CCNH: variants seen among roughly 807,000 people sequenced by gnomAD.
CCNH encodes the protein cyclin-H.
Under a neutral mutation model 41.9 loss-of-function variants are expected in CCNH, and 31 were observed. The ratio of observed to expected loss-of-function variants is 0.74; its 90% CI spans 0.56 to 1.00. The LOEUF (loss-of-function observed/expected upper bound fraction) is 1.00. Ranked by LOEUF, CCNH falls within the 50% of genes least tolerant of loss-of-function variation. CCNH has a pLI of 0.00. For missense variants in CCNH, 362 were observed against 388.4 expected, an observed-to-expected ratio of 0.93 and a Z score of 0.57; for synonymous variants, 138 against 136.1, an observed-to-expected ratio of 1.01 and a Z score of -0.10.
At chr5:87,392,380 C>G, downstream of CCNH, 1 of 455,326 alleles carries the variant, frequency 2.2e-6, no homozygotes, top group Non-Finnish European at 4.4e-6. Flanking sequence ...CCGTTTAACA[C>G]TGATACCAAA....
At chr5:87,331,411 T>C (rs1757590742) in intron 9 of CCNH, 1 of 1,613,696 alleles carries the variant, frequency 6.2e-7, no homozygotes, top group South Asian at 1.1e-5. Flanking sequence ...CAGGGAAGTC[T>C]GGCAGTTATC....
intron 9 of CCNH, among the ~76,000 whole-genome samples, chr5:87,355,727 C>T (rs1238695508): frequency 6.6e-6 from 1 of 152,154 alleles, no homozygotes; most frequent in Non-Finnish European, 1.5e-5. Context: ...ACATTGAAAA[C>T]CCTTTGGAAA....
At chr5:87,373,002 C>T (rs548796129), downstream of CCNH, among the ~76,000 whole-genome samples, 1 of 152,208 alleles carries the variant, frequency 6.6e-6, no homozygotes, top group Non-Finnish European at 1.5e-5. Context: ...ATCGCCATGT[C>T]TTCATAACAT....
chr5:87,311,742 G>A, the CCNH span, among the ~76,000 whole-genome samples: 9 of 152,186 alleles, frequency 5.9e-5, no homozygotes, highest in Admixed American at 4.6e-4. Context: ...AAGTGCCCAC[G>A]TCGCTGACTT....
rs1336057773 is a variant in CCNH, at chr5:87,395,140, C to T, written c.873-36G>A. ...GCAACTATCAATAAGCAATCCAATA[C>T]CAGCCACAGAAACTATAAAATGTAA... On this transcript the variant is annotated intron_variant, in intron 7 of 8. Transcript: ENST00000256897. The T allele has an allele frequency of 5.1e-6, 8 of 1,579,034 alleles. No homozygotes were observed. In the East Asian group the frequency reaches 1.6e-4, roughly 31 times the overall value.
chr5:87,409,740 C>G lies in CCNH; in HGVS notation c.241-377G>C, dbSNP rs1199961529. ...AAAATACAAACGTTCACAGATTAAC[C>G]AATCTTATAAAAATACTGACAAAAA... On this transcript the variant is annotated intron_variant, in intron 2 of 8. Coordinates refer to ENST00000256897, the MANE Select transcript of CCNH (RefSeq NM_001239.4). 2.0e-5 allele frequency among the ~76,000 whole-genome samples: 3 copies of G among 151,330 alleles called. No homozygotes were observed. In the East Asian group the frequency reaches 5.8e-4, roughly 29 times the overall value.
At chr5:87,362,803 A>G (rs1395994063) in intron 9 of CCNH, 6 of 1,015,350 alleles carry the variant, frequency 5.9e-6, no homozygotes, top group South Asian at 1.5e-5. Context: ...TAGAGCCCAT[A>G]TATAAGCATT....
chr5:87,391,012 G>A, downstream of CCNH: 4 of 940,432 alleles, frequency 4.3e-6, no homozygotes, highest in Non-Finnish European at 6.8e-6. Context: ...TGTGAGCTAT[G>A]CAAACAAAAT....
chr5:87,374,417 G>T (rs553630737), downstream of CCNH: 39 of 981,818 alleles, frequency 4.0e-5, no homozygotes, highest in African/African-American at 6.4e-4. Flanking sequence ...TCAGAACAAG[G>T]TACCATATCC....
intron 9 of CCNH, among the ~76,000 whole-genome samples, chr5:87,355,599 G>A (rs564277842): frequency 6.6e-6 from 1 of 152,292 alleles, no homozygotes; most frequent in Non-Finnish European, 1.5e-5. Flanking sequence ...AGCTAACACA[G>A]CTTATATTCT....
At chr5:87,398,321 C>T (rs1336172039) in intron 7 of CCNH, among the ~76,000 whole-genome samples, 1 of 152,196 alleles carries the variant, frequency 6.6e-6, no homozygotes, top group African/African-American at 2.4e-5. Flanking sequence ...AATTGCTGTT[C>T]TGGCTTTTCA....
chr5:87,378,629 A>G (rs951412466), upstream of CCNH: 2 of 1,328,078 alleles, frequency 1.5e-6, no homozygotes, highest in African/African-American at 3.0e-5. Flanking sequence ...AGGAAAATAT[A>G]TTAAATTTCT....
intron 9 of CCNH, among the ~76,000 whole-genome samples, chr5:87,352,543 G>T (rs1759349812): frequency 6.6e-6 from 1 of 151,662 alleles, no homozygotes; most frequent in Admixed American, 6.6e-5. Context: ...AATACAGTAT[G>T]TCATTTTATT....
rs528527045 is a variant in CCNH at position 87,345,379 on chromosome 5, T to C, written c.*91-26482A>G. 2.6e-5 allele frequency among the ~76,000 whole-genome samples: 4 copies of C among 152,282 alleles called. No homozygotes were observed. In the South Asian group the frequency reaches 8.3e-4, roughly 32 times the overall value. On this transcript the variant is annotated intron_variant and NMD_transcript_variant, in intron 9 of 9. Transcript: ENST00000645953. ...CTTTTTTTGAATTTTTTTCAAACTGTAGAAGTAGAGGATTAGCCTTGGAGG... is the reference window on the plus strand; with the variant it reads ...CTTTTTTTGAATTTTTTTCAAACTGCAGAAGTAGAGGATTAGCCTTGGAGG...
At chr5:87,321,808 C>T (rs1283055175) in intron 9 of CCNH, among the ~76,000 whole-genome samples, 2 of 152,194 alleles carry the variant, frequency 1.3e-5, no homozygotes, top group Non-Finnish European at 2.9e-5. Flanking sequence ...GACATCAGCA[C>T]TTTCCCCAAT....
intron 9 of CCNH, among the ~76,000 whole-genome samples, chr5:87,356,384 T>TG (rs1759652702): frequency 8.0e-6 from 1 of 124,512 alleles, no homozygotes; most frequent in African/African-American, 3.9e-5. Context: ...ATGATTGTTA[T>TG]TTTTTTTTTT....
At chr5:87,338,536 A>ATATATATATATTTTTTT in intron 9 of CCNH, among the ~76,000 whole-genome samples, 6 of 85,220 alleles carry the variant, frequency 7.0e-5, no homozygotes, top group East Asian at 9.9e-4. Context: ...TATATATAAA[A>ATATATATATATTTTTTT]TTTTTTTTTT....
intron 8 of CCNH, chr5:87,394,835 CA>C: frequency 7.3e-7 from 1 of 1,365,588 alleles, no homozygotes; most frequent in African/African-American, 1.5e-5. Flanking sequence ...TCTATGAACA[CA>C]GGAAGGATTC....
chr5:87,376,570 TA>T lies in CCNH; in HGVS notation n.610del. 3 of 1,611,158 alleles carry T rather than the reference TA, an allele frequency of 1.9e-6. No homozygotes were observed. In the East Asian group the frequency reaches 6.7e-5, roughly 36 times the overall value. On this transcript the variant is annotated non_coding_transcript_exon_variant, in exon 1 of 1. Transcript: ENST00000607486. ...GAGTACAGTGAATTTAAAGAGGTAT[TA>T]AATTATTTATCAGTCTTGTTTTTGT...
Sources: allele counts gnomAD v4.1 joint callset (sites outside exome capture counted in the v4.1 genomes callset), GRCh38; gene constraint gnomAD v4.1.1; transcripts MANE v1.5; gene names NCBI Gene and HGNC (gene_info 2026-07-23, HGNC 2026-07-21).